The following PRKN variants were observed in gnomAD, a reference collection of about 807,000 sequenced individuals.
PRKN encodes E3 ubiquitin-protein ligase parkin.
PRKN carries 56 observed loss-of-function variants against 59.5 expected under a neutral mutation model. The observed-to-expected ratio is 0.94, with a 90% CI of 0.76 to 1.18. The LOEUF is 1.18. PRKN is among the 50% of genes most tolerant of loss of function. The pLI is 0.00. For synonymous variants in PRKN, 250 were observed against 222.1 expected, an observed-to-expected ratio of 1.13 and a Z score of -1.12; for missense variants, 657 against 596.4, an observed-to-expected ratio of 1.10 and a Z score of -1.06.
chr6:161,405,225 G>T lies in PRKN; in HGVS notation c.1084-18348C>A, dbSNP rs1169680304. Among the ~76,000 whole-genome samples the T allele has an allele frequency of 1.3e-5, 2 of 152,162 alleles. No individual in the cohort carries two copies. Among genetic ancestry groups the T allele is most frequent in the Non-Finnish European group, 2.9e-5 (2 of 68,034 alleles). ...ATTTACAATGGGATTTGGGGGAAAA[G>T]TCATTAGTCGTCATTTGCCATCCTG... On this transcript the variant is annotated intron_variant, in intron 9 of 11. Coordinates refer to ENST00000366898, the MANE Select transcript of PRKN (RefSeq NM_004562.3). This position sits in a 1 kb window ranked among gnomAD's most constrained non-coding sequence, Gnocchi z 5.1.
chr6:162,075,964 C>CTTTTT (rs201642343), intron 4 of PRKN, among the ~76,000 whole-genome samples: 10 of 132,970 alleles, frequency 7.5e-5, no homozygotes, highest in African/African-American at 1.8e-4. Context: ...GAAAGGCTTG[C>CTTTTT]TTTTTTTTTT....
At position 161,607,947 on chromosome 6, in the gene PRKN, T is replaced by A. The variant is rs201818820; in HGVS notation, c.872-38531A>T. Among the ~76,000 whole-genome samples the A allele has an allele frequency of 8.5e-5, 13 of 152,254 alleles. No homozygotes were observed. In the East Asian group the frequency reaches 1.4e-3, roughly 16 times the overall value. ...GACTTCAGCCACCAGCCCTGAAAGC[T>A]TGAACAGAATGCCTTCAACATTCTG... On this transcript the variant is annotated intron_variant, in intron 7 of 11. Coordinates refer to ENST00000366898, the MANE Select transcript of PRKN (RefSeq NM_004562.3).
In PRKN at chr6:161,447,048, T is replaced by G. The variant is rs1334384410; in HGVS notation, c.1084-60171A>C. Among the ~76,000 whole-genome samples, 1 of 152,216 alleles carries G rather than the reference T, an allele frequency of 6.6e-6. No homozygotes were observed. The highest frequency in any genetic ancestry group is 2.4e-5 in the African/African-American group (1 of 41,454). ...TAGCTATGGGTAGGTGACTTCTTAA[T>G]GATCTTTAAGGAAAGAAGTCAATAC... On this transcript the variant is annotated intron_variant, in intron 9 of 11. Transcript: ENST00000366898. This position sits in a 1 kb window ranked among gnomAD's most constrained non-coding sequence, Gnocchi z 4.1.
Position 161,527,560 on chromosome 6 carries a change from G to A in PRKN, c.1083+21294C>T, listed in dbSNP as rs1233014409. Among the ~76,000 whole-genome samples, 1 of 152,154 alleles carries A rather than the reference G, an allele frequency of 6.6e-6. No homozygotes were observed. The highest frequency in any genetic ancestry group is 1.5e-5 in the Non-Finnish European group (1 of 68,038). On this transcript the variant is annotated intron_variant, in intron 9 of 11. Coordinates refer to ENST00000366898, the MANE Select transcript of PRKN (RefSeq NM_004562.3). The surrounding 1 kb of genome is among the most constrained non-coding windows in gnomAD (Gnocchi z 4.6). ...GCTGTGGCCTCTCTCTGCCTGAGGGGTGGAGTGAGGAACATCTGCCCATGG... is the reference window on the plus strand; with the variant it reads ...GCTGTGGCCTCTCTCTGCCTGAGGGATGGAGTGAGGAACATCTGCCCATGG...
intron 2 of PRKN, among the ~76,000 whole-genome samples, chr6:162,411,879 C>G (rs1273718349): frequency 6.6e-6 from 1 of 152,124 alleles, no homozygotes; most frequent in Non-Finnish European, 1.5e-5. Context: ...AAAATGTTTC[C>G]TATATTAGAA....
At chr6:161,604,754 G>A (rs1782218639) in intron 7 of PRKN, among the ~76,000 whole-genome samples, 1 of 152,150 alleles carries the variant, frequency 6.6e-6, no homozygotes, top group Non-Finnish European at 1.5e-5. Context: ...TGCTAACATG[G>A]CGAAACCCTG....
intron 4 of PRKN, among the ~76,000 whole-genome samples, chr6:162,196,914 C>G (rs948008817): frequency 1.8e-4 from 28 of 152,050 alleles, no homozygotes; most frequent in Non-Finnish European, 7.4e-5. Context: ...ACCATTTAGA[C>G]TCATGATATG....
chr6:162,468,065 T>C (rs183417840), intron 1 of PRKN, among the ~76,000 whole-genome samples: 1 of 152,310 alleles, frequency 6.6e-6, no homozygotes, highest in Admixed American at 6.5e-5. Context: ...CCGTGGTTCT[T>C]ATCACCACTT....
chr6:161,443,355 G>A (rs957362093), intron 9 of PRKN, among the ~76,000 whole-genome samples: 44 of 151,646 alleles, frequency 2.9e-4, no homozygotes, highest in African/African-American at 9.5e-4. Context: ...TCCAACACGC[G>A]TGGTCTTATA....
At position 161,454,149 on chromosome 6, in the gene PRKN, A is replaced by C. The variant is rs1422688133; in HGVS notation, c.1084-67272T>G. 6.6e-6 allele frequency among the ~76,000 whole-genome samples: 1 copy of C among 152,024 alleles called. No individual in the cohort carries two copies. Among genetic ancestry groups the C allele is most frequent in the Non-Finnish European group, 1.5e-5 (1 of 67,994 alleles). On this transcript the variant is annotated intron_variant, in intron 9 of 11. Coordinates refer to ENST00000366898, the MANE Select transcript of PRKN (RefSeq NM_004562.3). The surrounding 1 kb of genome is among the most constrained non-coding windows in gnomAD (Gnocchi z 4.6). ...AAACCTAAAAGTAACAATGTACACA[A>C]CTCGCTAGGGTTGCCAGCAGCATTT...
chr6:162,413,294 C>T (rs1317673541), intron 2 of PRKN, among the ~76,000 whole-genome samples: 1 of 152,100 alleles, frequency 6.6e-6, no homozygotes, highest in Admixed American at 6.5e-5. Flanking sequence ...CAGACCACGA[C>T]ACACAGCTTG....
intron 6 of PRKN, among the ~76,000 whole-genome samples, chr6:161,869,162 T>C (rs1794241111): frequency 6.6e-6 from 1 of 152,110 alleles, no homozygotes; most frequent in Non-Finnish European, 1.5e-5. Context: ...GTGGATCACC[T>C]GAGGTCAGGA....
chr6:162,022,018 G>C lies in PRKN; in HGVS notation c.618+32073C>G, dbSNP rs147195986. Among the ~76,000 whole-genome samples, 1,058 of 152,150 alleles carry C rather than the reference G, an allele frequency of 7.0e-3. 17 individuals are homozygous for C. The highest frequency in any genetic ancestry group is 0.023 in the African/African-American group (971 of 41,512). ...TAACTGCATCCACGTCGCTGCAAAG[G>C]ACAGGATTTTGATCTTTTTTTTTGG... On this transcript the variant is annotated intron_variant, in intron 5 of 11. Coordinates refer to ENST00000366898, the MANE Select transcript of PRKN (RefSeq NM_004562.3).
intron 1 of PRKN, among the ~76,000 whole-genome samples, chr6:162,503,811 C>T (rs1194396752): frequency 2.0e-5 from 3 of 152,116 alleles, no homozygotes; most frequent in African/African-American, 7.2e-5. Context: ...CCTAAACTTA[C>T]CCAATGTGGG....
At chr6:161,908,236 G>A (rs1288492523) in intron 6 of PRKN, among the ~76,000 whole-genome samples, 2 of 152,188 alleles carry the variant, frequency 1.3e-5, no homozygotes, top group Non-Finnish European at 2.9e-5. Context: ...GCACGTGAGA[G>A]TCAGTGGGGC....
intron 5 of PRKN, among the ~76,000 whole-genome samples, chr6:161,985,413 C>T (rs1781399677): frequency 1.3e-5 from 2 of 152,254 alleles, no homozygotes; most frequent in East Asian, 1.9e-4. Flanking sequence ...TAATCTCCCA[C>T]CACCGAGTGT....
rs1219964578 is a variant in PRKN, at chr6:161,551,729, G to A, written c.934-2726C>T. Among the ~76,000 whole-genome samples the A allele has an allele frequency of 6.6e-6, 1 of 152,196 alleles. No individual in the cohort carries two copies. The highest frequency in any genetic ancestry group is 6.5e-5 in the Admixed American group (1 of 15,286). On this transcript the variant is annotated intron_variant, in intron 8 of 11. Transcript: ENST00000366898. The surrounding 1 kb of genome is among the most constrained non-coding windows in gnomAD (Gnocchi z 5.2). ...TAAAGGAGTTTGCCAGTAAAAGGGA[G>A]CAGAGATCGGGGAGGCCATTGGATA... is the stretch of plus-strand genomic sequence containing the variant.
intron 2 of PRKN, among the ~76,000 whole-genome samples, chr6:162,307,899 A>G (rs1782305254): frequency 6.6e-6 from 1 of 152,226 alleles, no homozygotes; most frequent in Non-Finnish European, 1.5e-5. Context: ...AGAGTGTTAT[A>G]CAGACAAGAA....
At chr6:162,660,405 T>C (rs936869779) in intron 1 of PRKN, among the ~76,000 whole-genome samples, 1 of 152,202 alleles carries the variant, frequency 6.6e-6, no homozygotes. Context: ...TGTTTCACCA[T>C]CACACTGTGT....
Sources: allele counts gnomAD v4.1 joint callset (sites outside exome capture counted in the v4.1 genomes callset), GRCh38; gene constraint gnomAD v4.1.1; non-coding constraint Gnocchi (gnomAD v3.1); transcripts MANE v1.5; gene names NCBI Gene and HGNC (gene_info 2026-07-23, HGNC 2026-07-21).